The following HHAT variants were observed in gnomAD, a reference collection of about 807,000 sequenced individuals.
The protein encoded by HHAT is hedgehog acyltransferase, also known as protein-cysteine N-palmitoyltransferase HHAT.
In HHAT, 47 loss-of-function variants were observed where a neutral mutation model predicts 70.8. That is an observed-to-expected ratio of 0.66 (90% CI 0.53 to 0.85). The LOEUF is 0.85. HHAT is among the 40% of genes least tolerant of loss of function. The pLI, the probability that HHAT is intolerant of heterozygous loss-of-function variation, is 0.00. For missense variants in HHAT, 609 were observed against 604.8 expected (o/e 1.01, Z -0.07); for synonymous variants, 228 against 247.6 (o/e 0.92, Z 0.74).
At chr1:210,651,114 C>A (rs540399776) in intron 11 of HHAT, among the ~76,000 whole-genome samples, 2 of 152,146 alleles carry the variant, frequency 1.3e-5, no homozygotes, top group African/African-American at 4.8e-5. Flanking sequence ...GTAAGAATTC[C>A]TCTAGTTGAA....
chr1:210,436,008 T>C (rs1351826358), intron 7 of HHAT, among the ~76,000 whole-genome samples: 1 of 151,910 alleles, frequency 6.6e-6, no homozygotes, highest in Non-Finnish European at 1.5e-5. Flanking sequence ...GCCTGTGGTT[T>C]TGAGGCCTTG....
chr1:210,342,190 C>G (rs1357345571), intron 1 of HHAT, among the ~76,000 whole-genome samples: 2 of 152,150 alleles, frequency 1.3e-5, no homozygotes, highest in African/African-American at 4.8e-5. Context: ...CATCAACCTC[C>G]CTGCCTCTTG....
intron 5 of HHAT, among the ~76,000 whole-genome samples, chr1:210,401,225 G>T (rs11119484): frequency 6.6e-6 from 1 of 152,014 alleles, no homozygotes; most frequent in South Asian, 2.1e-4. Flanking sequence ...AGCGATTCTC[G>T]TGCCTCAGTC....
At chr1:210,433,896 T>G (rs542694185) in intron 7 of HHAT, among the ~76,000 whole-genome samples, 1 of 152,092 alleles carries the variant, frequency 6.6e-6, no homozygotes, top group Non-Finnish European at 1.5e-5. Context: ...GCTGTGGATG[T>G]TGTCCACACC....
chr1:210,399,970 A>ATC (rs1189752750), intron 4 of HHAT, among the ~76,000 whole-genome samples: 1 of 152,210 alleles, frequency 6.6e-6, no homozygotes, highest in Admixed American at 6.5e-5. Context: ...CATATTTAAA[A>ATC]TCTCTGGCTT....
At chr1:210,526,940 G>A (rs1036221740) in intron 9 of HHAT, among the ~76,000 whole-genome samples, 1 of 152,126 alleles carries the variant, frequency 6.6e-6, no homozygotes, top group Non-Finnish European at 1.5e-5. Flanking sequence ...GGGGACACTA[G>A]GATAATATTT....
At chr1:210,579,774 G>A (rs538824242) in intron 9 of HHAT, among the ~76,000 whole-genome samples, 2 of 152,200 alleles carry the variant, frequency 1.3e-5, no homozygotes, top group East Asian at 1.9e-4. Flanking sequence ...GTTTTCTAGC[G>A]GCAAATGTGC....
intron 9 of HHAT, among the ~76,000 whole-genome samples, chr1:210,583,592 C>T (rs1659741054): frequency 6.6e-6 from 1 of 152,188 alleles, no homozygotes; most frequent in Admixed American, 6.5e-5. Context: ...ACCACACGTA[C>T]TGTCTTCTAT....
chr1:210,573,284 T>G (rs1656791882), intron 9 of HHAT, among the ~76,000 whole-genome samples: 1 of 152,146 alleles, frequency 6.6e-6, no homozygotes, highest in Admixed American at 6.5e-5. Flanking sequence ...GACTCACTCA[T>G]CCCTACATCT....
intron 8 of HHAT, among the ~76,000 whole-genome samples, chr1:210,496,407 A>G (rs1457143749): frequency 3.3e-5 from 5 of 152,184 alleles, no homozygotes; most frequent in Non-Finnish European, 7.3e-5. Flanking sequence ...GATCAAAAGT[A>G]AGAGTATCAG....
rs190323598 is a variant in HHAT, at chr1:210,651,130, A to G, written c.1391-23158A>G. Reference sequence around the variant, plus strand: ...TAAGAATTCCTCTAGTTGAATCTCCATAAAGGCTGAAACCCCCAAAGTTCT... The same window carrying G: ...TAAGAATTCCTCTAGTTGAATCTCCGTAAAGGCTGAAACCCCCAAAGTTCT... On this transcript the variant is annotated intron_variant, in intron 11 of 11. Transcript: ENST00000261458. 6.2e-3 allele frequency among the ~76,000 whole-genome samples: 946 copies of G among 152,298 alleles called. 12 individuals carry two copies. Among genetic ancestry groups the G allele is most frequent in the Middle Eastern group, 0.017 (5 of 294 alleles).
intron 7 of HHAT, chr1:210,439,738 T>G (rs1416712691): frequency 6.6e-6 from 1 of 151,884 alleles, no homozygotes; most frequent in East Asian, 1.9e-4. Flanking sequence ...TGAGACTTCA[T>G]TAAAAGGGTC....
chr1:210,486,567 G>A (rs1384805303), intron 8 of HHAT, among the ~76,000 whole-genome samples: 3 of 152,280 alleles, frequency 2.0e-5, no homozygotes, highest in East Asian at 1.9e-4. Flanking sequence ...TCTTTTGAGT[G>A]GACAGAGTCC....
chr1:210,591,320 G>T (rs1312308194), intron 10 of HHAT, among the ~76,000 whole-genome samples: 1 of 152,016 alleles, frequency 6.6e-6, no homozygotes, highest in Non-Finnish European at 1.5e-5. Flanking sequence ...TGTCTTCTGT[G>T]TCTGGCTTAT....
At position 210,418,218 on chromosome 1, in the gene HHAT, G is replaced by T; in HGVS notation, c.749G>T (p.Arg250Leu). ...SLCVLALGLG[R>L]LLCWWWLAEL... ...TGTGTCCTGGCCCTGGGGCTGGGCCGCCTTCTTTGCTGGTGGTGGCTGGCC... is the reference window on the plus strand; with the variant it reads ...TGTGTCCTGGCCCTGGGGCTGGGCCTCCTTCTTTGCTGGTGGTGGCTGGCC... The change falls in exon 7 of 12, where the codon CGC (arginine) becomes CTC (leucine). Residue 250 changes from arginine (R) to leucine (L), a missense_variant. Coordinates refer to ENST00000261458, the MANE Select transcript of HHAT (RefSeq NM_018194.6). 6.2e-7 allele frequency: 1 copy of T among 1,614,006 alleles called. No individual in the cohort carries two copies. The highest frequency in any genetic ancestry group is 8.5e-7 in the Non-Finnish European group (1 of 1,179,932).
intron 9 of HHAT, among the ~76,000 whole-genome samples, chr1:210,550,828 C>T (rs2357920): frequency 0.13 from 18,637 of 148,440 alleles, 2,180 homozygotes; most frequent in East Asian, 0.18. Context: ...CGCTACCACC[C>T]CCAGATAATT....
At chr1:210,447,485 T>G (rs1433541772) in intron 7 of HHAT, among the ~76,000 whole-genome samples, 4 of 152,210 alleles carry the variant, frequency 2.6e-5, no homozygotes, top group Admixed American at 2.6e-4. Flanking sequence ...AATCATACCC[T>G]TGGAAAGATT....
intron 8 of HHAT, among the ~76,000 whole-genome samples, chr1:210,501,441 G>T (rs1215602593): frequency 6.6e-6 from 1 of 152,210 alleles, no homozygotes; most frequent in Non-Finnish European, 1.5e-5. Context: ...GGGTGGCAAG[G>T]ATTAACTACA....
At chr1:210,347,863 A>G (rs2086658122) in intron 1 of HHAT, among the ~76,000 whole-genome samples, 1 of 152,204 alleles carries the variant, frequency 6.6e-6, no homozygotes, top group Non-Finnish European at 1.5e-5. Context: ...AGGGAGGGAA[A>G]GAAAGAGATG....
Sources: gnomAD v4.1 joint callset for allele counts (sites outside exome capture counted in the v4.1 genomes callset) on GRCh38, gnomAD v4.1.1 for gene constraint, MANE v1.5 for transcripts, NCBI Gene and HGNC (gene_info 2026-07-23, HGNC 2026-07-21) for gene names.